Variants in MTUS2 observed in about 807,000 individuals in gnomAD.
The protein encoded by MTUS2 is microtubule associated scaffold protein 2.
Under a neutral mutation model 114.1 loss-of-function variants are expected in MTUS2, and 40 were observed. The observed-to-expected ratio is 0.35, with a 90% confidence interval of 0.27 to 0.46. The LOEUF is 0.46. Among genes scored for constraint, MTUS2 ranks in the 20% least tolerant of loss-of-function variants. The pLI is 1.00. For synonymous variants in MTUS2, 688 were observed against 672.0 expected (o/e 1.02, Z -0.37); for missense variants, 1,679 against 1,705.4 (o/e 0.98, Z 0.27).
rs554995382 is a variant in MTUS2, at chr13:29,190,731, A to G, written c.2644+89761A>G. On this transcript the variant is annotated intron_variant, in intron 5 of 15. Transcript: ENST00000612955. Reference sequence around the variant, plus strand: ...ATTCTCAAGCTAGAGCATTGCATATATATAACTTAGTCTCTTTCAGTACTT... The same window carrying G: ...ATTCTCAAGCTAGAGCATTGCATATGTATAACTTAGTCTCTTTCAGTACTT... 6.6e-5 allele frequency among the ~76,000 whole-genome samples: 10 copies of G among 152,314 alleles called. 1 individual carries two copies. The highest frequency in any genetic ancestry group is 4.1e-4 in the South Asian group (2 of 4,826).
intron 8 of MTUS2, among the ~76,000 whole-genome samples, chr13:29,418,514 G>A (rs139790850): frequency 3.1e-4 from 47 of 152,294 alleles, no homozygotes; most frequent in African/African-American, 1.1e-3. Context: ...GGAATATCAT[G>A]ATCAGCTAGC....
chr13:29,382,108 G>A (rs1339122231), intron 8 of MTUS2, among the ~76,000 whole-genome samples: 1 of 152,286 alleles, frequency 6.6e-6, no homozygotes, highest in Admixed American at 6.5e-5. Flanking sequence ...GGCAGTATCA[G>A]GGACTGTGAT....
intron 2 of MTUS2, among the ~76,000 whole-genome samples, chr13:29,012,948 G>A (rs570715352): frequency 9.2e-5 from 14 of 152,308 alleles, no homozygotes; most frequent in Non-Finnish European, 1.8e-4. Flanking sequence ...GAAGCAACCA[G>A]GTGTGAGTTA....
chr13:29,308,192 T>C (rs1311923479), intron 6 of MTUS2, among the ~76,000 whole-genome samples: 1 of 152,208 alleles, frequency 6.6e-6, no homozygotes, highest in Non-Finnish European at 1.5e-5. Flanking sequence ...AGCATGGTAC[T>C]GGTACAAGAA....
At chr13:29,479,953 T>C in intron 9 of MTUS2, 197 bp from the exon 10 acceptor site, 1 of 511,768 alleles carries the variant, frequency 2.0e-6, no homozygotes, top group Non-Finnish European at 3.4e-6. Context: ...AGGCTGCAGC[T>C]TCTCAACATC....
Position 29,389,568 on chromosome 13 carries a change from T to TGC in MTUS2, c.3117+30095_3117+30096insGC, listed in dbSNP as rs1555272561. ...ATATGTATACACGTGTGTATATGTG[T>TGC]ACATATGTGTGTATACGTATACATA... On this transcript the variant is annotated intron_variant, in intron 8 of 15. Transcript: ENST00000612955. Among the ~76,000 whole-genome samples, 24 of 52,154 alleles carry TGC rather than the reference T, an allele frequency of 4.6e-4. 4 individuals carry two copies. The highest frequency in any genetic ancestry group is 0.019 in the Middle Eastern group (2 of 108). The allele number at this position is 52,154 out of a possible 152,430, so 34.2% of individuals were successfully genotyped here.
At chr13:29,224,799 G>C (rs984636382) in intron 5 of MTUS2, among the ~76,000 whole-genome samples, 1 of 151,814 alleles carries the variant, frequency 6.6e-6, no homozygotes, top group Non-Finnish European at 1.5e-5. Context: ...CACAATATTT[G>C]CCCTCCCTAT....
At chr13:29,205,873 T>C (rs1416678019) in intron 5 of MTUS2, among the ~76,000 whole-genome samples, 1 of 152,232 alleles carries the variant, frequency 6.6e-6, no homozygotes, top group East Asian at 1.9e-4. Flanking sequence ...TAAACATGTG[T>C]GTTCAAGTAT....
chr13:29,245,819 C>G (rs568648590), intron 5 of MTUS2, among the ~76,000 whole-genome samples: 1 of 151,666 alleles, frequency 6.6e-6, no homozygotes, highest in Non-Finnish European at 1.5e-5. Context: ...GTCTCAGCCT[C>G]CTAAGTAGCT....
At chr13:29,362,591 G>T (rs1426754498) in intron 8 of MTUS2, among the ~76,000 whole-genome samples, 1 of 152,142 alleles carries the variant, frequency 6.6e-6, no homozygotes, top group Non-Finnish European at 1.5e-5. Flanking sequence ...GGAGGCTGAG[G>T]CAGGAGTATT....
At chr13:29,242,151 G>T (rs1015560531) in intron 5 of MTUS2, among the ~76,000 whole-genome samples, 1 of 151,928 alleles carries the variant, frequency 6.6e-6, no homozygotes. Flanking sequence ...GTGACTTTTT[G>T]TCAATTTACT....
intron 1 of MTUS2, among the ~76,000 whole-genome samples, chr13:28,827,440 C>T (rs1192617070): frequency 6.6e-6 from 1 of 152,080 alleles, no homozygotes; most frequent in Non-Finnish European, 1.5e-5. Flanking sequence ...AAACTTTATA[C>T]TGAAATTTTT....
At chr13:28,976,973 G>A (rs1031546883) in intron 2 of MTUS2, among the ~76,000 whole-genome samples, 5 of 152,166 alleles carry the variant, frequency 3.3e-5, no homozygotes, top group African/African-American at 1.2e-4. Flanking sequence ...ATAGAGAGAA[G>A]GGGCTTAGGT....
chr13:29,185,528 A>T (rs1423273778), intron 5 of MTUS2, among the ~76,000 whole-genome samples: 5 of 152,202 alleles, frequency 3.3e-5, no homozygotes, highest in African/African-American at 1.2e-4. Flanking sequence ...GAATATTGAA[A>T]AGAGAAGCAA....
At chr13:28,825,184 C>T (rs967501629) in intron 1 of MTUS2, among the ~76,000 whole-genome samples, 29 of 152,134 alleles carry the variant, frequency 1.9e-4, no homozygotes, top group African/African-American at 7.0e-4. Context: ...GAACTGAGGA[C>T]CTCTCAGGGC....
At chr13:28,955,148 T>C (rs957694852) in intron 2 of MTUS2, among the ~76,000 whole-genome samples, 139 of 152,326 alleles carry the variant, frequency 9.1e-4, no homozygotes, top group African/African-American at 3.1e-3. Context: ...TTCTAACCTA[T>C]GACACTGTCT....
intron 6 of MTUS2, among the ~76,000 whole-genome samples, chr13:29,287,886 C>A (rs905367179): frequency 6.6e-6 from 1 of 152,172 alleles, no homozygotes; most frequent in African/African-American, 2.4e-5. Flanking sequence ...GGTTCACAGG[C>A]TGATGGCGGA....
At chr13:28,995,675 G>A (rs1018763008) in intron 2 of MTUS2, among the ~76,000 whole-genome samples, 3 of 152,164 alleles carry the variant, frequency 2.0e-5, no homozygotes, top group African/African-American at 7.2e-5. Flanking sequence ...GTGAATGGGA[G>A]TTCACTCATG....
rs1263534059 is a variant in MTUS2 at position 29,317,662 on chromosome 13, T to G, written c.2807-6951T>G. On this transcript the variant is annotated intron_variant, in intron 6 of 15. Coordinates refer to ENST00000612955, the MANE Select transcript of MTUS2 (RefSeq NM_001033602.4). ...ACCTTGTTAGCCAGGATGGTCTCCA[T>G]CTCCTGACCTCGTGATCCACCCGCC... 3.5e-4 allele frequency among the ~76,000 whole-genome samples: 4 copies of G among 11,570 alleles called. 2 individuals carry two copies. The highest frequency in any genetic ancestry group is 1.0e-3 in the Non-Finnish European group (4 of 3,982). The allele number at this position is 11,570 out of a possible 152,430, so 7.6% of individuals were successfully genotyped here. A position where few individuals can be genotyped will look rare whatever the true frequency, so the allele number is the denominator to read the frequency against.
Sources: allele counts gnomAD v4.1 joint callset (sites outside exome capture counted in the v4.1 genomes callset), GRCh38; gene constraint gnomAD v4.1.1; transcripts MANE v1.5; gene names NCBI Gene and HGNC (gene_info 2026-07-23, HGNC 2026-07-21).